DDX25: variants seen among roughly 807,000 people sequenced by gnomAD.
The protein encoded by DDX25 is DEAD-box helicase 25, also known as ATP-dependent RNA helicase DDX25.
Under a neutral mutation model 64.6 loss-of-function variants are expected in DDX25, and 70 were observed. The ratio of observed to expected loss-of-function variants is 1.08; its 90% CI spans 0.89 to 1.32. The LOEUF (loss-of-function observed/expected upper bound fraction) is 1.32, where lower values mean the gene tolerates loss of function less well. Ranked by LOEUF, DDX25 falls within the 40% of genes most tolerant of loss-of-function variation. The pLI, the probability that DDX25 is intolerant of heterozygous loss-of-function variation, is 0.00. For synonymous variants in DDX25, 211 were observed against 213.3 expected, an observed-to-expected ratio of 0.99 and a Z score of 0.09; for missense variants, 587 against 604.4, an observed-to-expected ratio of 0.97 and a Z score of 0.30.
Position 125,924,389 on chromosome 11 carries a change from G to A in DDX25, c.*1508G>A, listed in dbSNP as rs1234126004. 1 of 152,336 alleles carries A rather than the reference G, an allele frequency of 6.6e-6. No individual in the cohort carries two copies. Among genetic ancestry groups the A allele is most frequent in the African/African-American group, 2.4e-5 (1 of 41,462 alleles). The allele number at this position is 152,336 out of a possible 1,614,324, so 9.4% of individuals were successfully genotyped here. On this transcript the variant is annotated 3_prime_UTR_variant, in exon 12 of 12. Coordinates refer to ENST00000263576, the MANE Select transcript of DDX25 (RefSeq NM_013264.5). ...GCCATGTTGGAATTCAGAGCCTAATGGCAGAGACCTAGAATAAGCCAGCAT... is the reference window on the plus strand; with the variant it reads ...GCCATGTTGGAATTCAGAGCCTAATAGCAGAGACCTAGAATAAGCCAGCAT...
intron 8 of DDX25, among the ~76,000 whole-genome samples, chr11:125,913,106 C>T (rs1327296313): frequency 6.7e-6 from 1 of 148,678 alleles, no homozygotes; most frequent in Admixed American, 6.8e-5. Context: ...TGCAGTGAGC[C>T]GAGATCACGC....
At position 125,921,604 on chromosome 11, in the gene DDX25, G is replaced by C; in HGVS notation, c.1390+225G>C. ...TTTTGATCAAGCAGAATTAATATGA[G>C]CTCAGGCCGGGTGTGGCAGCTCACA... On this transcript the variant is annotated intron_variant, in intron 11 of 11. Transcript: ENST00000263576. This position sits in a 1 kb window ranked among gnomAD's most constrained non-coding sequence, Gnocchi z 4.1. 1.9e-6 allele frequency: 1 copy of C among 518,610 alleles called. No individual in the cohort carries two copies. Among genetic ancestry groups the C allele is most frequent in the Non-Finnish European group, 3.3e-6 (1 of 304,238 alleles). The allele number at this position is 518,610 out of a possible 1,614,324, so 32.1% of individuals were successfully genotyped here.
At chr11:125,911,562 A>G (rs1944969616) in intron 8 of DDX25, 74 bp downstream of exon 8, 4 of 1,416,308 alleles carry the variant, frequency 2.8e-6, no homozygotes, top group East Asian at 2.4e-5. Context: ...ACTCCTCCAC[A>G]TTATCTTTAT....
intron 4 of DDX25, among the ~76,000 whole-genome samples, chr11:125,907,375 A>G (rs71475931): frequency 0.15 from 23,524 of 151,960 alleles, 1,958 homozygotes; most frequent in African/African-American, 0.21. Context: ...TTGGGAGGCC[A>G]AGGGGGGCGG....
Position 125,927,129 on chromosome 11 carries a change from T to C in DDX25, c.*4248T>C, listed in dbSNP as rs150753867. On this transcript the variant is annotated 3_prime_UTR_variant, in exon 12 of 12. Coordinates refer to ENST00000263576, the MANE Select transcript of DDX25 (RefSeq NM_013264.5). ...TGTGGGTGGGGCTGAAGCACCATTC[T>C]CCATTTTTAATGTGGATTTTCCATC... The C allele has an allele frequency of 6.6e-6, 1 of 152,372 alleles. No individual in the cohort carries two copies. The highest frequency in any genetic ancestry group is 1.9e-4 in the East Asian group (1 of 5,192). 9.4% of individuals were successfully genotyped at this position (152,372 alleles called of 1,614,324 possible).
chr11:125,916,218 TAA>T (rs1028651196), intron 8 of DDX25, among the ~76,000 whole-genome samples: 15 of 152,240 alleles, frequency 9.9e-5, no homozygotes, highest in Non-Finnish European at 1.9e-4. Context: ...TATTTTGTTT[TAA>T]AAAGTTAACT....
In DDX25 at chr11:125,908,410, C is replaced by T. The variant is rs34007659; in HGVS notation, c.414C>T (p.Asn138=). The T allele has an allele frequency of 2.8e-3, 4,522 of 1,613,944 alleles. 126 individuals carry two copies. In the African/African-American group the frequency reaches 0.053, roughly 19 times the overall value. The stretch of plus-strand genomic sequence containing the variant: ...CTTCTCTTTTCTACAGACCCCAGAA[C>T]CTCATAGCACAGAGCCAGTCTGGAA... The part of the protein sequence containing the change: ...LPMMLAHPPQ[N]LIAQSQSGTG... The change falls in exon 6 of 12, where the codon AAC becomes AAT. Residue 138 remains asparagine (N), a synonymous_variant. Transcript: ENST00000263576.
At chr11:125,918,136 C>T (rs2134282879) in intron 9 of DDX25, among the ~76,000 whole-genome samples, 1 of 152,256 alleles carries the variant, frequency 6.6e-6, no homozygotes, top group East Asian at 1.9e-4. Context: ...CCGCCTTGGC[C>T]TCCCAAAGTG....
chr11:125,921,433 A>G lies in DDX25; in HGVS notation c.1390+54A>G. 1 of 1,578,208 alleles carries G rather than the reference A, an allele frequency of 6.3e-7. No individual in the cohort carries two copies. The highest frequency in any genetic ancestry group is 8.6e-7 in the Non-Finnish European group (1 of 1,160,254). On this transcript the variant is annotated intron_variant, in intron 11 of 11. Transcript: ENST00000263576. This position sits in a 1 kb window ranked among gnomAD's most constrained non-coding sequence, Gnocchi z 4.1. ...CTACAGACCTGCCGGTCTGACAGTG[A>G]TGATGTGTGCTGGAGAGCTGGAGTC...
intron 9 of DDX25, among the ~76,000 whole-genome samples, chr11:125,917,919 C>T (rs1175198341): frequency 6.6e-6 from 1 of 152,110 alleles, no homozygotes; most frequent in East Asian, 1.9e-4. Context: ...CGCTCTGTTG[C>T]CCAGGCTGGA....
rs1945156184 is a variant in DDX25, at chr11:125,925,144, A to T, written c.*2263A>T. On this transcript the variant is annotated 3_prime_UTR_variant, in exon 12 of 12. Coordinates refer to ENST00000263576, the MANE Select transcript of DDX25 (RefSeq NM_013264.5). ...TTGTTCTCTTACTATTCGAGAATCG[A>T]GTTGGACCTTCCACCGTGCTCAGCT... The T allele has an allele frequency of 3.9e-6, 1 of 254,110 alleles. No individual in the cohort carries two copies. The highest frequency in any genetic ancestry group is 4.3e-5 in the South Asian group (1 of 23,428). The allele number at this position is 254,110 out of a possible 1,614,324, so 15.7% of individuals were successfully genotyped here. A position where few individuals can be genotyped will look rare whatever the true frequency, so the allele number is the denominator to read the frequency against.
chr11:125,918,428 G>A (rs551701691), intron 9 of DDX25, among the ~76,000 whole-genome samples, 200 bp from the exon 10 acceptor site: 2 of 152,282 alleles, frequency 1.3e-5, no homozygotes, highest in Admixed American at 1.3e-4. Context: ...GACTGGTGGA[G>A]AGGATGTGAG....
In DDX25 at chr11:125,921,622, A is replaced by C. The variant is rs1297177221; in HGVS notation, c.1390+243A>C. On this transcript the variant is annotated intron_variant, in intron 11 of 11. Transcript: ENST00000263576. The surrounding 1 kb of genome is among the most constrained non-coding windows in gnomAD (Gnocchi z 4.1). ...AATATGAGCTCAGGCCGGGTGTGGC[A>C]GCTCACACCTGTAATCCCAGCACTT... The C allele has an allele frequency of 4.9e-6, 2 of 409,944 alleles. No individual in the cohort carries two copies. The highest frequency in any genetic ancestry group is 7.5e-5 in the Admixed American group (2 of 26,674). 25.4% of individuals were successfully genotyped at this position (409,944 alleles called of 1,614,324 possible).
rs79220610 is a variant in DDX25 at position 125,922,502 on chromosome 11, A to T, written c.1391-318A>T. 9.4e-3 allele frequency: 2,535 copies of T among 268,834 alleles called. 82 individuals are homozygous for T. The highest frequency in any genetic ancestry group is 0.051 in the African/African-American group (2,349 of 45,736). The allele number at this position is 268,834 out of a possible 1,614,324, so 16.7% of individuals were successfully genotyped here. ...AGGGTGAGGAAGATGTGTTAAGGCC[A>T]CTGTCGCTATGGTGAGCTTCTAAGG... On this transcript the variant is annotated intron_variant, in intron 11 of 11. Coordinates refer to ENST00000263576, the MANE Select transcript of DDX25 (RefSeq NM_013264.5).
intron 4 of DDX25, among the ~76,000 whole-genome samples, chr11:125,906,523 C>T (rs1379004234): frequency 6.6e-6 from 1 of 151,864 alleles, no homozygotes; most frequent in Non-Finnish European, 1.5e-5. Flanking sequence ...GTACATTTTC[C>T]ATGCAATCAA....
intron 6 of DDX25, among the ~76,000 whole-genome samples, chr11:125,909,262 G>C (rs1236830213): frequency 6.6e-6 from 1 of 152,158 alleles, no homozygotes; most frequent in African/African-American, 2.4e-5. Flanking sequence ...CTATAGGTAA[G>C]GCATAGGAAA....
intron 4 of DDX25, among the ~76,000 whole-genome samples, chr11:125,906,639 G>C (rs554035922): frequency 1.3e-5 from 2 of 151,674 alleles, no homozygotes; most frequent in Non-Finnish European, 2.9e-5. Flanking sequence ...CAGCCTGGCC[G>C]ACATGGGAAA....
chr11:125,920,185 C>T (rs933431295), intron 10 of DDX25, among the ~76,000 whole-genome samples: 1 of 152,110 alleles, frequency 6.6e-6, no homozygotes, highest in Admixed American at 6.5e-5. Context: ...GCCTGTAATC[C>T]CAACACTTTG....
intron 4 of DDX25, among the ~76,000 whole-genome samples, chr11:125,906,455 A>G (rs1404767593): frequency 2.0e-5 from 3 of 151,914 alleles, no homozygotes; most frequent in Non-Finnish European, 2.9e-5. Context: ...AGCTGGGACT[A>G]CAGGCATGCA....
Sources: gnomAD v4.1 joint callset for allele counts (sites outside exome capture counted in the v4.1 genomes callset) on GRCh38, gnomAD v4.1.1 for gene constraint, Gnocchi (gnomAD v3.1) non-coding constraint, MANE v1.5 for transcripts, NCBI Gene and HGNC (gene_info 2026-07-23, HGNC 2026-07-21) for gene names.